FOXP2: variants seen among roughly 807,000 people sequenced by gnomAD.
The protein encoded by FOXP2 is forkhead box protein P2.
FOXP2 carries 12 observed loss-of-function variants against 115.8 expected under a neutral mutation model. The ratio of observed to expected loss-of-function variants is 0.10; its 90% confidence interval spans 0.07 to 0.17. FOXP2 has a LOEUF of 0.17. Among genes scored for constraint, FOXP2 ranks in the 10% least tolerant of loss-of-function variants. The probability of loss-of-function intolerance (pLI) is 1.00; values close to 1 mark genes in which losing one functional copy is unlikely to be tolerated. For missense variants in FOXP2, 629 were observed against 843.5 expected (o/e 0.75, Z 3.15); for synonymous variants, 328 against 297.7 (o/e 1.10, Z -1.05).
intron 2 of FOXP2, among the ~76,000 whole-genome samples, chr7:114,517,518 T>C (rs1011503893): frequency 4.6e-5 from 7 of 152,212 alleles, no homozygotes; most frequent in African/African-American, 1.7e-4. Flanking sequence ...TCAATTTCGT[T>C]CTGCATATCC....
At chr7:114,341,088 G>T (rs1791193701) in intron 2 of FOXP2, among the ~76,000 whole-genome samples, 1 of 151,002 alleles carries the variant, frequency 6.6e-6, no homozygotes, top group South Asian at 2.1e-4. Flanking sequence ...TTATTACTTA[G>T]CACTGAATAA....
intron 1 of FOXP2, among the ~76,000 whole-genome samples, chr7:114,242,510 G>A (rs1347175958): frequency 6.6e-6 from 1 of 152,044 alleles, no homozygotes; most frequent in Non-Finnish European, 1.5e-5. Context: ...TAAGGAAGGA[G>A]TACTCATAAC....
rs114680653 is a variant in FOXP2 at position 114,606,383 on chromosome 7, T to C, written c.259-22157T>C. 5.8e-3 allele frequency among the ~76,000 whole-genome samples: 880 copies of C among 152,280 alleles called. 7 individuals are homozygous for C. Among genetic ancestry groups the C allele is most frequent in the African/African-American group, 0.02 (816 of 41,542 alleles). ...AGCCAAAGCCAACTCACAGTCAAAC[T>C]AGACCTAGAATTTTTAAGAAATTTG... On this transcript the variant is annotated intron_variant, in intron 3 of 16. Coordinates refer to ENST00000350908, the MANE Select transcript of FOXP2 (RefSeq NM_014491.4).
intron 16 of FOXP2, among the ~76,000 whole-genome samples, chr7:114,677,657 T>A (rs1030002031): frequency 6.6e-6 from 1 of 152,224 alleles, no homozygotes; most frequent in Admixed American, 6.5e-5. Flanking sequence ...TAGGTACTGG[T>A]AAATTTCACA....
intron 2 of FOXP2, among the ~76,000 whole-genome samples, chr7:114,313,987 G>T (rs527955246): frequency 4.2e-4 from 63 of 151,716 alleles, no homozygotes; most frequent in African/African-American, 1.5e-3. Flanking sequence ...ATTGCAACCA[G>T]CATATTTAAA....
chr7:114,551,652 A>G (rs1411496840), intron 3 of FOXP2, among the ~76,000 whole-genome samples: 3 of 152,214 alleles, frequency 2.0e-5, no homozygotes, highest in Admixed American at 6.5e-5. Context: ...GATTAAAAGG[A>G]AAATGGGAGA....
chr7:114,514,115 A>G (rs1286500737), intron 2 of FOXP2, among the ~76,000 whole-genome samples: 1 of 146,340 alleles, frequency 6.8e-6, no homozygotes, highest in East Asian at 2.0e-4. Flanking sequence ...ACACACACAC[A>G]CACGCCATAA....
intron 2 of FOXP2, among the ~76,000 whole-genome samples, chr7:114,360,884 A>G (rs1343433121): frequency 6.6e-6 from 1 of 152,154 alleles, no homozygotes; most frequent in Non-Finnish European, 1.5e-5. Flanking sequence ...AAATTGTTTT[A>G]TTTGCTTTGG....
chr7:114,235,710 G>T (rs1010830394), intron 1 of FOXP2, among the ~76,000 whole-genome samples: 2 of 152,094 alleles, frequency 1.3e-5, no homozygotes, highest in African/African-American at 4.8e-5. Context: ...GGCAAGTTTG[G>T]TTAAGCCTCC....
intron 2 of FOXP2, among the ~76,000 whole-genome samples, chr7:114,373,210 T>C (rs919142553): frequency 5.3e-5 from 8 of 152,098 alleles, no homozygotes; most frequent in Non-Finnish European, 1.2e-4. Context: ...TTAGTAGAGA[T>C]GGGATTTCAC....
At chr7:114,308,696 T>A (rs1797072842) in intron 2 of FOXP2, among the ~76,000 whole-genome samples, 1 of 152,208 alleles carries the variant, frequency 6.6e-6, no homozygotes, top group Admixed American at 6.5e-5. Flanking sequence ...GTTCATCAAT[T>A]ACCTTGGCTT....
At chr7:114,629,478 T>G in intron 4 of FOXP2, 1 of 870,278 alleles carries the variant, frequency 1.1e-6, no homozygotes, top group South Asian at 1.6e-5. Context: ...TTCTTACAAC[T>G]GGTAGAGTAT....
At chr7:114,578,704 A>G (rs1472791497) in intron 3 of FOXP2, among the ~76,000 whole-genome samples, 1 of 152,126 alleles carries the variant, frequency 6.6e-6, no homozygotes, top group Non-Finnish European at 1.5e-5. Flanking sequence ...TTACTTTTAA[A>G]ATTACCATTC....
intron 13 of FOXP2, among the ~76,000 whole-genome samples, chr7:114,660,737 A>G (rs1806814531): frequency 6.6e-6 from 1 of 152,116 alleles, no homozygotes; most frequent in Non-Finnish European, 1.5e-5. Context: ...GGTTTTCAGT[A>G]AGTAATATTT....
At chr7:114,424,048 T>G (rs962488391) in intron 1 of FOXP2, among the ~76,000 whole-genome samples, 1 of 151,626 alleles carries the variant, frequency 6.6e-6, no homozygotes, top group Non-Finnish European at 1.5e-5. Flanking sequence ...CAGTTTATAC[T>G]GTAGGGTTTT....
chr7:114,376,479 A>G (rs1373362540), intron 2 of FOXP2, among the ~76,000 whole-genome samples: 2 of 152,250 alleles, frequency 1.3e-5, no homozygotes, highest in African/African-American at 4.8e-5. Flanking sequence ...TGTTGGCTTC[A>G]CCATTCTTTC....
upstream of FOXP2, among the ~76,000 whole-genome samples, chr7:114,160,909 C>G (rs1273586021): frequency 5.3e-5 from 8 of 152,020 alleles, no homozygotes; most frequent in Non-Finnish European, 1.2e-4. Context: ...GTCTGGCATA[C>G]TCCTCTGACA....
At chr7:114,572,989 T>C (rs1356618208) in intron 3 of FOXP2, among the ~76,000 whole-genome samples, 1 of 151,830 alleles carries the variant, frequency 6.6e-6, no homozygotes, top group East Asian at 1.9e-4. Flanking sequence ...TAAGTAGAAG[T>C]CTGAGGTTCT....
intron 1 of FOXP2, among the ~76,000 whole-genome samples, chr7:114,164,307 T>G (rs921253082): frequency 1.4e-4 from 22 of 152,216 alleles, no homozygotes; most frequent in South Asian, 4.1e-4. Context: ...TTGTTTGTTT[T>G]TTTCGTTTTG....
Sources: allele counts gnomAD v4.1 joint callset (sites outside exome capture counted in the v4.1 genomes callset), GRCh38; gene constraint gnomAD v4.1.1; transcripts MANE v1.5; gene names NCBI Gene and HGNC (gene_info 2026-07-23, HGNC 2026-07-21).